DDAH1: variants seen among roughly 807,000 people sequenced by gnomAD.
The protein encoded by DDAH1 is dimethylarginine dimethylaminohydrolase 1.
In DDAH1, 19 loss-of-function variants were observed where a neutral mutation model predicts 28.8. That is an observed-to-expected ratio of 0.66 (90% CI 0.46 to 0.97). DDAH1 has a LOEUF of 0.97. DDAH1 is among the 50% of genes least tolerant of loss of function. The pLI is 0.00. For synonymous variants in DDAH1, 153 were observed against 154.4 expected (o/e 0.99, Z 0.07); for missense variants, 326 against 375.9 (o/e 0.87, Z 1.10).
chr1:85,474,703 G>A (rs1467357402), intron 2 of DDAH1, among the ~76,000 whole-genome samples: 1 of 152,090 alleles, frequency 6.6e-6, no homozygotes, highest in East Asian at 1.9e-4. Flanking sequence ...CCTCAATTCC[G>A]GTGTGTAGAG....
intron 4 of DDAH1, among the ~76,000 whole-genome samples, chr1:85,325,117 CTCTCT>C (rs1647294628): frequency 1.5e-5 from 2 of 136,022 alleles, no homozygotes; most frequent in South Asian, 5.2e-4. Context: ...ATGTGTTTGT[CTCTCT>C]TTTCTTTTAA....
chr1:85,376,357 G>T (rs879427791), intron 1 of DDAH1, among the ~76,000 whole-genome samples: 1 of 152,094 alleles, frequency 6.6e-6, no homozygotes, highest in Non-Finnish European at 1.5e-5. Context: ...CCCCCATTTA[G>T]ATATTAACTG....
chr1:85,411,396 G>C (rs951607228), intron 1 of DDAH1, among the ~76,000 whole-genome samples: 6 of 152,168 alleles, frequency 3.9e-5, no homozygotes, highest in Non-Finnish European at 8.8e-5. Context: ...AATTAGAAAG[G>C]TAACAGGCCT....
intron 1 of DDAH1, among the ~76,000 whole-genome samples, chr1:85,570,947 A>G (rs943379303): frequency 6.6e-6 from 1 of 152,208 alleles, no homozygotes; most frequent in Admixed American, 6.5e-5. Flanking sequence ...AGGACTGTGT[A>G]GCAGAAATGT....
intron 1 of DDAH1, among the ~76,000 whole-genome samples, chr1:85,394,744 G>A (rs1269109207): frequency 6.6e-6 from 1 of 152,154 alleles, no homozygotes. Context: ...AGTAAATTAG[G>A]TGAAAGTAAA....
At chr1:85,460,309 A>G (rs1655071629) in intron 1 of DDAH1, among the ~76,000 whole-genome samples, 2 of 152,200 alleles carry the variant, frequency 1.3e-5, no homozygotes, top group Admixed American at 1.3e-4. Context: ...TCCAAATTAT[A>G]TTCCCCATCC....
intron 2 of DDAH1, among the ~76,000 whole-genome samples, chr1:85,489,451 G>C (rs1185156010): frequency 6.6e-6 from 1 of 152,186 alleles, no homozygotes; most frequent in Non-Finnish European, 1.5e-5. Context: ...GCTGAGATAA[G>C]GTGGAAGATA....
intron 1 of DDAH1, among the ~76,000 whole-genome samples, chr1:85,528,892 T>C (rs1364325000): frequency 1.3e-5 from 2 of 151,030 alleles, no homozygotes. Context: ...GAGAATCGCT[T>C]GAACCCCGGA....
chr1:85,474,753 C>T (rs1479084338), intron 2 of DDAH1, among the ~76,000 whole-genome samples: 3 of 152,294 alleles, frequency 2.0e-5, no homozygotes, highest in South Asian at 2.1e-4. Flanking sequence ...TCCTTTCTCC[C>T]CACTCTCATC....
chr1:85,479,208 C>G (rs1264292255), intron 2 of DDAH1, among the ~76,000 whole-genome samples: 2 of 142,954 alleles, frequency 1.4e-5, no homozygotes, highest in Non-Finnish European at 3.0e-5. Context: ...GCTCTGTCGC[C>G]CAGGCCGGAC....
intron 1 of DDAH1, among the ~76,000 whole-genome samples, chr1:85,422,056 G>A (rs1236871081): frequency 1.3e-5 from 2 of 151,644 alleles, no homozygotes; most frequent in African/African-American, 4.9e-5. Context: ...CTATTGTTCT[G>A]TATCCTTGCC....
chr1:85,389,407 G>A (rs1006471991), intron 1 of DDAH1, among the ~76,000 whole-genome samples: 2 of 152,214 alleles, frequency 1.3e-5, no homozygotes, highest in Non-Finnish European at 2.9e-5. Flanking sequence ...TAGTCTGGGA[G>A]TCTAGACTAT....
At chr1:85,404,971 G>A (rs927733143) in intron 1 of DDAH1, among the ~76,000 whole-genome samples, 1 of 151,992 alleles carries the variant, frequency 6.6e-6, no homozygotes, top group Non-Finnish European at 1.5e-5. Flanking sequence ...TCTACAATCC[G>A]CCCTAGAAAG....
intron 3 of DDAH1, 27 bp from the exon 4 acceptor site, chr1:85,350,561 G>A (rs1649142193): frequency 1.9e-6 from 3 of 1,606,910 alleles, no homozygotes. Context: ...AAAACAAGCA[G>A]TTTAGTATTG....
At chr1:85,370,897 A>C (rs1005583478) in intron 1 of DDAH1, among the ~76,000 whole-genome samples, 1 of 152,196 alleles carries the variant, frequency 6.6e-6, no homozygotes, top group Non-Finnish European at 1.5e-5. Flanking sequence ...TGGAGAGATC[A>C]AGGGGAGTAG....
intron 1 of DDAH1, among the ~76,000 whole-genome samples, chr1:85,422,946 G>A (rs1653214057): frequency 6.6e-6 from 1 of 152,192 alleles, no homozygotes; most frequent in African/African-American, 2.4e-5. Flanking sequence ...CTAATCTCAA[G>A]ATGTCCAGCC....
rs1649238462 is a variant in DDAH1, at chr1:85,351,936, CT to C, written c.404-358del. On this transcript the variant is annotated intron_variant, in intron 2 of 5. Coordinates refer to ENST00000284031, the MANE Select transcript of DDAH1 (RefSeq NM_012137.4). ...AATGTTCATGCCTCTGAACTGTACA[CT>C]TAAAAATGGTTAAAATGGTAAATTT... Among the ~76,000 whole-genome samples, 5 of 152,114 alleles carry C rather than the reference CT, an allele frequency of 3.3e-5. No individual in the cohort carries two copies. The South Asian group carries it at 1.0e-3, about 32-fold the overall frequency.
rs540878726 is a variant in DDAH1, at chr1:85,542,442, C to T, written c.-123+35542G>A. Among the ~76,000 whole-genome samples, 6 of 152,306 alleles carry T rather than the reference C, an allele frequency of 3.9e-5. No individual in the cohort carries two copies. The South Asian group carries it at 1.2e-3, about 32-fold the overall frequency. The stretch of plus-strand genomic sequence containing the variant: ...CCCTCAAACCTCTTCTCCAACTTCT[C>T]CTATTTCCAGATATCTGGCTAGGAA... On this transcript the variant is annotated intron_variant, in intron 1 of 6. Coordinates refer to the DDAH1 transcript ENST00000426972.
rs567699920 is a variant in DDAH1 at position 85,532,891 on chromosome 1, G to A, written c.-122-36610C>T. 1.4e-3 allele frequency among the ~76,000 whole-genome samples: 218 copies of A among 152,324 alleles called. 1 individual carries two copies. Among genetic ancestry groups the A allele is most frequent in the African/African-American group, 5.0e-3 (208 of 41,572 alleles). ...TCAACTGGAAATAAGATTCTAGAGGGGAAACCCTAAAACCTTTAATTGCTC... is the reference window on the plus strand; with the variant it reads ...TCAACTGGAAATAAGATTCTAGAGGAGAAACCCTAAAACCTTTAATTGCTC... On this transcript the variant is annotated intron_variant, in intron 1 of 6. Transcript: ENST00000426972.
Sources: gnomAD v4.1 joint callset for allele counts (sites outside exome capture counted in the v4.1 genomes callset) on GRCh38, gnomAD v4.1.1 for gene constraint, MANE v1.5 for transcripts, NCBI Gene and HGNC (gene_info 2026-07-23, HGNC 2026-07-21) for gene names.